Variants in LONP2 observed in about 807,000 individuals in gnomAD.
LONP2 encodes the protein lon protease homolog 2, peroxisomal.
Under a neutral mutation model 85.6 loss-of-function variants are expected in LONP2, and 60 were observed. The ratio of observed to expected loss-of-function variants is 0.70; its 90% CI spans 0.57 to 0.87. The LOEUF (loss-of-function observed/expected upper bound fraction) is 0.87. Ranked by LOEUF, LONP2 falls within the 40% of genes least tolerant of loss-of-function variation. The pLI is 0.00. For missense variants in LONP2, 860 were observed against 1,063.5 expected (o/e 0.81, Z 2.66); for synonymous variants, 395 against 389.7 (o/e 1.01, Z -0.16).
At chr16:48,361,770 T>C (rs745697730), downstream of LONP2, 59 of 1,614,078 alleles carry the variant, frequency 3.7e-5, no homozygotes, top group Non-Finnish European at 4.7e-5. Context: ...GTAAGCAAAA[T>C]TTTCAGCTTG....
intron 14 of LONP2, 58 bp from the exon 15 acceptor site, chr16:48,351,523 G>C: frequency 1.5e-6 from 2 of 1,375,626 alleles, no homozygotes; most frequent in Non-Finnish European, 2.0e-6. Context: ...GCTGGGTCAG[G>C]GTTTCTTTCA....
intron 8 of LONP2, among the ~76,000 whole-genome samples, chr16:48,278,851 AT>A (rs1297214824): frequency 6.6e-6 from 1 of 151,642 alleles, no homozygotes; most frequent in East Asian, 1.9e-4. Flanking sequence ...TTTCCCCTTT[AT>A]TTTTTGGAAC....
At chr16:48,333,903 A>G (rs1366376105) in intron 11 of LONP2, among the ~76,000 whole-genome samples, 2 of 152,254 alleles carry the variant, frequency 1.3e-5, no homozygotes, top group African/African-American at 4.8e-5. Flanking sequence ...TCTTGACTTA[A>G]GAATATAATG....
At chr16:48,280,102 T>G (rs1972295126) in intron 8 of LONP2, among the ~76,000 whole-genome samples, 1 of 152,228 alleles carries the variant, frequency 6.6e-6, no homozygotes, top group Non-Finnish European at 1.5e-5. Flanking sequence ...TTTGCTACTT[T>G]TTATTGTAAG....
At chr16:48,328,227 T>G (rs564307394) in intron 11 of LONP2, among the ~76,000 whole-genome samples, 1 of 152,134 alleles carries the variant, frequency 6.6e-6, no homozygotes, top group South Asian at 2.1e-4. Flanking sequence ...CTGGCCAACA[T>G]AGTGAAACCC....
intron 12 of LONP2, chr16:48,344,894 G>A (rs1380462194): frequency 1.1e-4 from 17 of 152,426 alleles, no homozygotes; most frequent in Admixed American, 1.1e-3. Flanking sequence ...ACTCCAGCCT[G>A]GGTGACAGAG....
chr16:48,343,417 A>G (rs1959872030), intron 12 of LONP2, among the ~76,000 whole-genome samples: 2 of 152,216 alleles, frequency 1.3e-5, no homozygotes, highest in South Asian at 4.1e-4. Context: ...GAATGCAATC[A>G]GCCGGGCACA....
chr16:48,252,236 C>G lies in LONP2; in HGVS notation c.339C>G (p.Val113=), dbSNP rs115086020. 2 of 1,614,056 alleles carry G rather than the reference C, an allele frequency of 1.2e-6. No homozygotes were observed. The highest frequency in any genetic ancestry group is 1.7e-6 in the Non-Finnish European group (2 of 1,180,008). Residue 113 remains valine (V), a synonymous_variant, in exon 2 of 15, where the codon GTC becomes GTG. Transcript: ENST00000285737. ...TGLCRFQIVQ[V]LKEKPYPIAE... The stretch of plus-strand genomic sequence containing the variant: ...TATGCCGTTTCCAGATTGTACAGGT[C>G]TTAAAAGAGAAGCCATATCCCATTG...
At position 48,244,429 on chromosome 16, in the gene LONP2, C is replaced by T; in HGVS notation, c.41C>T (p.Pro14Leu). 1 of 1,588,610 alleles carries T rather than the reference C, an allele frequency of 6.3e-7. No homozygotes were observed. ...CCCATCCAGATCCCCAGTCGCCTCCCGCTGCTGCTCACCCACGAGGGCGTC... is the reference window on the plus strand; with the variant it reads ...CCCATCCAGATCCCCAGTCGCCTCCTGCTGCTGCTCACCCACGAGGGCGTC... ...VSPIQIPSRL[P>L]LLLTHEGVLL... The change falls in exon 1 of 15, where the codon CCG becomes CTG. Residue 14 changes from proline (P) to leucine (L), a missense_variant. Pro to Leu is a moderately conservative substitution (Grantham distance 98). Coordinates refer to ENST00000285737, the MANE Select transcript of LONP2 (RefSeq NM_031490.5).
chr16:48,249,968 G>C (rs1971589912), intron 1 of LONP2, among the ~76,000 whole-genome samples: 1 of 151,864 alleles, frequency 6.6e-6, no homozygotes, highest in Non-Finnish European at 1.5e-5. Context: ...GAGGTGGGTG[G>C]ATTACCTTAG....
At chr16:48,262,458 C>T (rs901585704) in intron 5 of LONP2, among the ~76,000 whole-genome samples, 2 of 152,076 alleles carry the variant, frequency 1.3e-5, no homozygotes, top group African/African-American at 4.8e-5. Context: ...AGGTATCTGC[C>T]TTATTTTGTT....
chr16:48,326,970 AGTC>A (rs1567343335), intron 11 of LONP2, among the ~76,000 whole-genome samples: 3 of 152,206 alleles, frequency 2.0e-5, no homozygotes, highest in Admixed American at 2.0e-4. Context: ...TCCCCAGAGG[AGTC>A]TGTCCCTATA....
chr16:48,347,349 T>A (rs1332387872), intron 12 of LONP2, among the ~76,000 whole-genome samples, 158 bp from the exon 13 acceptor site: 1 of 152,136 alleles, frequency 6.6e-6, no homozygotes, highest in Non-Finnish European at 1.5e-5. Context: ...AGCCAGAGAG[T>A]AAGTGCTGAA....
At chr16:48,309,123 T>C (rs1466316802) in intron 11 of LONP2, among the ~76,000 whole-genome samples, 2 of 152,164 alleles carry the variant, frequency 1.3e-5, no homozygotes, top group African/African-American at 2.4e-5. Flanking sequence ...TCAAAATGGC[T>C]ATTTTTAGAA....
intron 8 of LONP2, 27 bp from the exon 9 acceptor site, chr16:48,295,988 T>C: frequency 6.2e-7 from 1 of 1,608,050 alleles, no homozygotes; most frequent in Non-Finnish European, 8.5e-7. Flanking sequence ...TACTAAAGTT[T>C]TTAAAATGTT....
rs1971872286 is a variant in LONP2 at position 48,261,449 on chromosome 16, G to C, written c.749G>C (p.Arg250Thr). 1.9e-6 allele frequency: 3 copies of C among 1,607,078 alleles called. No individual in the cohort carries two copies. The highest frequency in any genetic ancestry group is 2.6e-6 in the Non-Finnish European group (3 of 1,176,452). Reference sequence around the variant, plus strand: ...GTTATAGCAATACGCCCTATTAGGAGAATTACACATATCTCAGGTACTTTA... The same window carrying C: ...GTTATAGCAATACGCCCTATTAGGACAATTACACATATCTCAGGTACTTTA... Reference protein sequence around the residue: ...KRVIAIRPIRRITHISGTLED... With the variant: ...KRVIAIRPIRTITHISGTLED... Residue 250 changes from arginine (R) to threonine (T), a missense_variant, in exon 5 of 15, where the codon AGA becomes ACA. By Grantham distance (71) the Arg-to-Thr change is moderately conservative (BLOSUM62 -1). Around this residue, in one of 3 missense-constraint regions of LONP2, gnomAD observed 743 missense variants for 917.3 expected, o/e 0.81. Coordinates refer to ENST00000285737, the MANE Select transcript of LONP2 (RefSeq NM_031490.5).
rs143159850 is a variant in LONP2 at position 48,245,621 on chromosome 16, GGA to G, written c.233+1002_233+1003del. Among the ~76,000 whole-genome samples the G allele has an allele frequency of 4.5e-3, 678 of 152,266 alleles. 7 individuals carry two copies. The highest frequency in any genetic ancestry group is 0.016 in the African/African-American group (649 of 41,550). On this transcript the variant is annotated intron_variant, in intron 1 of 14. Coordinates refer to ENST00000285737, the MANE Select transcript of LONP2 (RefSeq NM_031490.5). ...TAGCCCCTCCGTCCCAGGGAAACCA[GGA>G]GGTTGGTCACCCTAAATGTGCTGTA...
intron 9 of LONP2, among the ~76,000 whole-genome samples, chr16:48,298,326 C>T (rs542551805): frequency 7.2e-5 from 11 of 151,920 alleles, no homozygotes; most frequent in African/African-American, 1.2e-4. Flanking sequence ...TTTTGTCTTA[C>T]GGGATTTAGA....
At position 48,337,794 on chromosome 16, in the gene LONP2, G is replaced by A. The variant is rs116265098; in HGVS notation, c.1938+3436G>A. Among the ~76,000 whole-genome samples the A allele has an allele frequency of 6.8e-3, 1,034 of 152,278 alleles. 13 individuals carry two copies. Among genetic ancestry groups the A allele is most frequent in the African/African-American group, 0.024 (983 of 41,554 alleles). Reference sequence around the variant, plus strand: ...ATACATGTTGAGGTGTTCCCAAGATGTTATAAGATACCTTTCATTTGTTTG... The same window carrying A: ...ATACATGTTGAGGTGTTCCCAAGATATTATAAGATACCTTTCATTTGTTTG... On this transcript the variant is annotated intron_variant, in intron 12 of 14. Coordinates refer to ENST00000285737, the MANE Select transcript of LONP2 (RefSeq NM_031490.5).
Sources: allele counts gnomAD v4.1 joint callset (sites outside exome capture counted in the v4.1 genomes callset), GRCh38; gene constraint gnomAD v4.1.1; regional missense constraint gnomAD v4.1.1; transcripts MANE v1.5; gene names NCBI Gene and HGNC (gene_info 2026-07-23, HGNC 2026-07-21).